Variants in MATN2 observed in about 807,000 individuals in gnomAD.
MATN2 encodes the protein matrilin 2, also known as matrilin-2.
In MATN2, 69 loss-of-function variants were observed where a neutral mutation model predicts 103.2. The observed-to-expected ratio is 0.67, with a 90% CI of 0.55 to 0.82. The LOEUF is 0.82. Among genes scored for constraint, MATN2 ranks in the 40% least tolerant of loss-of-function variants. MATN2 has a pLI of 0.00. For missense variants in MATN2, 1,023 were observed against 1,211.5 expected (o/e 0.84, Z 2.31); for synonymous variants, 429 against 450.2 (o/e 0.95, Z 0.60).
intron 6 of MATN2, among the ~76,000 whole-genome samples, chr8:97,990,983 T>C (rs1231461523): frequency 6.6e-6 from 1 of 152,194 alleles, no homozygotes; most frequent in Non-Finnish European, 1.5e-5. Context: ...ATTGTTTTTC[T>C]TGAGTATGTG....
chr8:98,014,550 G>C (rs1813293206), intron 10 of MATN2, among the ~76,000 whole-genome samples: 1 of 152,160 alleles, frequency 6.6e-6, no homozygotes, highest in Admixed American at 6.5e-5. Flanking sequence ...CAAAGATTTT[G>C]GCAGTGCTTC....
At chr8:98,030,647 C>T in intron 15 of MATN2, 33 bp downstream of exon 15, 2 of 1,595,530 alleles carry the variant, frequency 1.3e-6, no homozygotes, top group South Asian at 1.1e-5. Flanking sequence ...CCTTAGCAAA[C>T]AAGGCAGCAT....
At chr8:97,888,296 G>C (rs1364452983) in intron 2 of MATN2, 54 bp downstream of exon 2, 32 of 1,430,438 alleles carry the variant, frequency 2.2e-5, no homozygotes, top group African/African-American at 4.4e-5. Context: ...GTTTGGGGAG[G>C]GCTCAGGGAC....
chr8:97,875,312 C>T (rs979930057), intron 1 of MATN2, among the ~76,000 whole-genome samples: 11 of 152,206 alleles, frequency 7.2e-5, no homozygotes, highest in African/African-American at 2.7e-4. Flanking sequence ...ACCTGTTAAA[C>T]TCTTCAAAAT....
At chr8:97,922,247 C>T (rs1418557212) in intron 2 of MATN2, among the ~76,000 whole-genome samples, 4 of 152,292 alleles carry the variant, frequency 2.6e-5, no homozygotes, top group Non-Finnish European at 4.4e-5. Flanking sequence ...AGGATCCATA[C>T]CGCTTTCACG....
intron 5 of MATN2, among the ~76,000 whole-genome samples, chr8:97,966,597 A>G (rs1811488943): frequency 6.6e-6 from 1 of 151,652 alleles, no homozygotes; most frequent in Non-Finnish European, 1.5e-5. Flanking sequence ...GGTGATAATT[A>G]GTAGTCATTG....
rs116152191 is a variant in MATN2 at position 97,999,504 on chromosome 8, T to C, written c.1205-4157T>C. On this transcript the variant is annotated intron_variant, in intron 7 of 18. Coordinates refer to ENST00000254898, the MANE Select transcript of MATN2 (RefSeq NM_002380.5). ...GACTGCGGGCCCTTCCTGTTCTGTG[T>C]TTGTCTGTCTGTCTGTGACTGGTGT... 2.5e-3 allele frequency among the ~76,000 whole-genome samples: 387 copies of C among 152,340 alleles called. 3 individuals carry two copies. Among genetic ancestry groups the C allele is most frequent in the African/African-American group, 8.3e-3 (344 of 41,558 alleles).
At position 98,005,027 on chromosome 8, in the gene MATN2, C is replaced by T. The variant is rs1187134503; in HGVS notation, c.1327+1244C>T. 6.6e-6 allele frequency among the ~76,000 whole-genome samples: 1 copy of T among 152,252 alleles called. No individual in the cohort carries two copies. The highest frequency in any genetic ancestry group is 1.5e-5 in the Non-Finnish European group (1 of 68,050). ...GTGCCTTTCCACTCAGCAAGCCCCA[C>T]ATCTGCTCCCTTTGGAGAAAGAGAT... is the stretch of plus-strand genomic sequence containing the variant. On this transcript the variant is annotated intron_variant, in intron 8 of 18. Coordinates refer to ENST00000254898, the MANE Select transcript of MATN2 (RefSeq NM_002380.5). This position sits in a 1 kb window ranked among gnomAD's most constrained non-coding sequence, Gnocchi z 4.6.
At chr8:97,872,415 T>A (rs977015501) in intron 1 of MATN2, among the ~76,000 whole-genome samples, 1 of 152,248 alleles carries the variant, frequency 6.6e-6, no homozygotes, top group Non-Finnish European at 1.5e-5. Context: ...AGTTATTTTA[T>A]GTTGTTGTAT....
At chr8:97,969,462 T>C (rs1282396751) in intron 5 of MATN2, among the ~76,000 whole-genome samples, 1 of 152,230 alleles carries the variant, frequency 6.6e-6, no homozygotes. Flanking sequence ...CTTAGCATTA[T>C]TATTACAACA....
chr8:97,906,848 G>T (rs1364127236), intron 2 of MATN2, among the ~76,000 whole-genome samples: 3 of 152,086 alleles, frequency 2.0e-5, no homozygotes, highest in Admixed American at 6.6e-5. Flanking sequence ...TTGATCTCTC[G>T]TTTCTTTGTG....
At chr8:97,992,937 T>C (rs964048260) in intron 6 of MATN2, among the ~76,000 whole-genome samples, 2 of 148,726 alleles carry the variant, frequency 1.3e-5, no homozygotes, top group East Asian at 1.9e-4. Flanking sequence ...ACAATAATAA[T>C]AATAATAATA....
chr8:97,891,079 C>T (rs1818610868), intron 2 of MATN2, among the ~76,000 whole-genome samples: 1 of 152,120 alleles, frequency 6.6e-6, no homozygotes, highest in Non-Finnish European at 1.5e-5. Context: ...TCTGGAATTT[C>T]TACTCTGTGC....
At chr8:97,889,456 T>G (rs1818553169) in intron 2 of MATN2, among the ~76,000 whole-genome samples, 1 of 44,488 alleles carries the variant, frequency 2.2e-5, no homozygotes, top group Admixed American at 3.3e-4. Flanking sequence ...TCTCTCTCTC[T>G]GTCTATATAT....
chr8:97,985,363 T>G (rs950162758), intron 6 of MATN2, among the ~76,000 whole-genome samples: 4 of 152,310 alleles, frequency 2.6e-5, no homozygotes, highest in South Asian at 4.1e-4. Context: ...AACCTCCCAT[T>G]AAGCCCCGCC....
chr8:97,940,180 C>G (rs1398824591), intron 3 of MATN2, among the ~76,000 whole-genome samples: 1 of 152,184 alleles, frequency 6.6e-6, no homozygotes, highest in African/African-American at 2.4e-5. Flanking sequence ...TGGCTCATGT[C>G]TGTGATCCTA....
At chr8:97,948,207 G>A (rs557977542) in intron 4 of MATN2, among the ~76,000 whole-genome samples, 17 of 152,236 alleles carry the variant, frequency 1.1e-4, no homozygotes, top group Admixed American at 7.8e-4. Flanking sequence ...AAGACAGAAC[G>A]TTGCCTTGTT....
rs778992965 is a variant in MATN2, at chr8:98,018,125, C to A, written c.1819+9C>A. 6 of 1,613,378 alleles carry A rather than the reference C, an allele frequency of 3.7e-6. No homozygotes were observed. In the East Asian group the frequency reaches 6.7e-5, roughly 18 times the overall value. ...TGGGAAACGCTGCCGAAGTAAGTAG[C>A]CTCGAGGTGGAGAAGAACTTTTCCC... On this transcript the variant is annotated intron_variant, in intron 12 of 18. Transcript: ENST00000254898.
chr8:97,927,659 T>C (rs1003226918), intron 2 of MATN2, among the ~76,000 whole-genome samples: 1 of 152,198 alleles, frequency 6.6e-6, no homozygotes, highest in Non-Finnish European at 1.5e-5. Flanking sequence ...TACAGCTTTC[T>C]TGGAACCTCC....
Sources: allele counts gnomAD v4.1 joint callset (sites outside exome capture counted in the v4.1 genomes callset), GRCh38; gene constraint gnomAD v4.1.1; non-coding constraint Gnocchi (gnomAD v3.1); transcripts MANE v1.5; gene names NCBI Gene and HGNC (gene_info 2026-07-23, HGNC 2026-07-21).